SNX15: variants seen among roughly 807,000 people sequenced by gnomAD.
The protein encoded by SNX15 is sorting nexin 15.
A neutral mutation model predicts 35.2 loss-of-function variants in SNX15; 29 were observed. That is an observed-to-expected ratio of 0.82 (90% CI 0.61 to 1.12). SNX15 has a LOEUF of 1.12. Among genes scored for constraint, SNX15 ranks in the 50% most tolerant of loss-of-function variants. The pLI is 0.00. For missense variants in SNX15, 400 were observed against 451.5 expected (o/e 0.89, Z 1.03); for synonymous variants, 189 against 188.2 (o/e 1.00, Z -0.03).
At chr11:65,035,732 C>T in intron 6 of SNX15, 69 bp downstream of exon 6, 1 of 1,504,412 alleles carries the variant, frequency 6.6e-7, no homozygotes, top group Non-Finnish European at 9.0e-7. Context: ...AGGGCAGAGC[C>T]CCACTAGCCT....
chr11:65,030,272 T>A (rs1256531126), intron 1 of SNX15, among the ~76,000 whole-genome samples: 1 of 151,430 alleles, frequency 6.6e-6, no homozygotes, highest in Non-Finnish European at 1.5e-5. Context: ...GGAGAATTGC[T>A]TGAACCCGGG....
chr11:65,039,817 C>G lies in SNX15; in HGVS notation c.*25C>G, dbSNP rs769872659. Reference sequence around the variant, plus strand: ...ACAGGGAGTGGGCCATTCCCTGGGACTCTCGCTCCTGCACTGCCAGCCCCT... The same window carrying G: ...ACAGGGAGTGGGCCATTCCCTGGGAGTCTCGCTCCTGCACTGCCAGCCCCT... On this transcript the variant is annotated 3_prime_UTR_variant, in exon 8 of 8. Transcript: ENST00000377244. 1 of 1,509,998 alleles carries G rather than the reference C, an allele frequency of 6.6e-7. No individual in the cohort carries two copies. Among genetic ancestry groups the G allele is most frequent in the Non-Finnish European group, 9.1e-7 (1 of 1,093,438 alleles). 93.5% of individuals were successfully genotyped at this position (1,509,998 alleles called of 1,614,324 possible). A position where few individuals can be genotyped will look rare whatever the true frequency, so the allele number is the denominator to read the frequency against.
At chr11:65,038,980 T>G (rs971142388) in intron 7 of SNX15, 151 bp downstream of exon 7, 11 of 494,348 alleles carry the variant, frequency 2.2e-5, no homozygotes, top group South Asian at 5.7e-5. Flanking sequence ...TTTCTGTTTT[T>G]TTGTTGTTGT....
chr11:65,034,002 C>G (rs188005859), intron 3 of SNX15, among the ~76,000 whole-genome samples: 3 of 152,244 alleles, frequency 2.0e-5, no homozygotes, highest in East Asian at 1.9e-4. Flanking sequence ...GCCACCGCAC[C>G]TGGCCGAGAT....
rs1437502045 is a variant in SNX15 at position 65,032,523 on chromosome 11, C to T, written c.228C>T (p.Phe76=). Residue 76 remains phenylalanine, a synonymous_variant, in exon 3 of 8, where the codon TTC becomes TTT. Transcript: ENST00000377244. ...HRNLFRRLEE[F]PAFPRAQVFG... ...ACCTCTTCCGCCGCCTCGAGGAGTTCCCTGCTTTCCCCCGGGCCCAGGTGT... is the reference window on the plus strand; with the variant it reads ...ACCTCTTCCGCCGCCTCGAGGAGTTTCCTGCTTTCCCCCGGGCCCAGGTGT... The T allele has an allele frequency of 6.8e-6, 11 of 1,614,034 alleles. No homozygotes were observed. Among genetic ancestry groups the T allele is most frequent in the Non-Finnish European group, 9.3e-6 (11 of 1,180,042 alleles).
At chr11:65,029,406 T>C (rs1946414990) in intron 1 of SNX15, among the ~76,000 whole-genome samples, 1 of 151,596 alleles carries the variant, frequency 6.6e-6, no homozygotes, top group Admixed American at 6.6e-5. Context: ...TCCACCCGCC[T>C]TGGCCTCCCA....
At chr11:65,038,900 A>G (rs932186408) in intron 7 of SNX15, 71 bp downstream of exon 7, 19 of 1,329,562 alleles carry the variant, frequency 1.4e-5, no homozygotes, top group Middle Eastern at 3.9e-4. Context: ...GAGCAAAAAA[A>G]CAAGCAAATC....
Position 65,032,489 on chromosome 11 carries a change from C to T in SNX15, c.194C>T (p.Thr65Ile). The change falls in exon 3 of 8, where the codon ACC becomes ATC. Residue 65 changes from threonine to isoleucine, a missense_variant. By Grantham distance (89) the Thr-to-Ile change is moderately conservative. Transcript: ENST00000377244. ...FRKLHGDLAYTHRNLFRRLEE... is the reference protein window; with the variant it reads ...FRKLHGDLAYIHRNLFRRLEE... Reference sequence around the variant, plus strand: ...AAGCTGCATGGAGACCTGGCCTACACCCACCGCAACCTCTTCCGCCGCCTC... The same window carrying T: ...AAGCTGCATGGAGACCTGGCCTACATCCACCGCAACCTCTTCCGCCGCCTC... 1 of 1,614,192 alleles carries T rather than the reference C, an allele frequency of 6.2e-7. No homozygotes were observed. The highest frequency in any genetic ancestry group is 1.6e-4 in the Middle Eastern group (1 of 6,062).
chr11:65,035,759 GAT>G, intron 6 of SNX15, 96 bp downstream of exon 6: 5 of 1,319,138 alleles, frequency 3.8e-6, no homozygotes, highest in Non-Finnish European at 5.2e-6. Context: ...TGCCTGCGCA[GAT>G]CAGGGAGAGA....
At position 65,038,773 on chromosome 11, in the gene SNX15, C is replaced by T. The variant is rs751480885; in HGVS notation, c.866C>T (p.Ala289Val). The change falls in exon 7 of 8, where the codon GCT becomes GTT. Residue 289 changes from alanine (A) to valine (V), a missense_variant. Coordinates refer to ENST00000377244, the MANE Select transcript of SNX15 (RefSeq NM_013306.5). Reference sequence around the variant, plus strand: ...CGGGATGAGAAGGCAGGCGCTTACGCTGCTGCACTCCAGGGCTATCGAGAC... The same window carrying T: ...CGGGATGAGAAGGCAGGCGCTTACGTTGCTGCACTCCAGGGCTATCGAGAC... ...ALRDEKAGAYAAALQGYRDGV... is the reference protein window; with the variant it reads ...ALRDEKAGAYVAALQGYRDGV... The T allele has an allele frequency of 1.7e-5, 27 of 1,600,086 alleles. No homozygotes were observed. Among genetic ancestry groups the T allele is most frequent in the Non-Finnish European group, 2.3e-5 (27 of 1,173,930 alleles).
intron 7 of SNX15, among the ~76,000 whole-genome samples, chr11:65,039,415 G>C (rs1590744253): frequency 6.6e-6 from 1 of 151,934 alleles, no homozygotes; most frequent in East Asian, 1.9e-4. Context: ...GTAGAGATGG[G>C]CTTTCACCAT....
chr11:65,027,492 G>A lies in SNX15; in HGVS notation c.-46G>A, dbSNP rs528772583. ...AGGCTGGGCCGGAGGGGTGGGGACG[G>A]CGAGGAGGTGGAGGCCGGCGCTCCG... On this transcript the variant is annotated 5_prime_UTR_variant, in exon 1 of 8. Transcript: ENST00000377244. 2 of 1,504,758 alleles carry A rather than the reference G, an allele frequency of 1.3e-6. No homozygotes were observed. The highest frequency in any genetic ancestry group is 1.8e-6 in the Non-Finnish European group (2 of 1,081,962). The allele number at this position is 1,504,758 out of a possible 1,614,324, so 93.2% of individuals were successfully genotyped here.
At chr11:65,030,001 C>T (rs1429579383) in intron 1 of SNX15, among the ~76,000 whole-genome samples, 1 of 152,170 alleles carries the variant, frequency 6.6e-6, no homozygotes. Context: ...CATCCTCTTG[C>T]CTCAGCCTCC....
At position 65,039,819 on chromosome 11, in the gene SNX15, C is replaced by G. The variant is rs775827754; in HGVS notation, c.*27C>G. The G allele has an allele frequency of 2.0e-6, 3 of 1,502,038 alleles. No homozygotes were observed. In the South Asian group the frequency reaches 3.5e-5, roughly 17 times the overall value. The allele number at this position is 1,502,038 out of a possible 1,614,324, so 93.0% of individuals were successfully genotyped here. On this transcript the variant is annotated 3_prime_UTR_variant, in exon 8 of 8. Coordinates refer to ENST00000377244, the MANE Select transcript of SNX15 (RefSeq NM_013306.5). Reference sequence around the variant, plus strand: ...AGGGAGTGGGCCATTCCCTGGGACTCTCGCTCCTGCACTGCCAGCCCCTTC... The same window carrying G: ...AGGGAGTGGGCCATTCCCTGGGACTGTCGCTCCTGCACTGCCAGCCCCTTC...
At chr11:65,029,249 G>A (rs767864208) in intron 1 of SNX15, among the ~76,000 whole-genome samples, 4 of 150,784 alleles carry the variant, frequency 2.7e-5, no homozygotes, top group African/African-American at 7.3e-5. Context: ...AACTTCCGTC[G>A]CCCGGGTTCA....
At position 65,027,457 on chromosome 11, in the gene SNX15, C is replaced by A; in HGVS notation, c.-81C>A. ...GAAGAGCGCAGGCCTGGCGAGGCGG[C>A]GGCGGGCGGAGGCTGGGCCGGAGGG... On this transcript the variant is annotated 5_prime_UTR_variant, in exon 1 of 8. Coordinates refer to ENST00000377244, the MANE Select transcript of SNX15 (RefSeq NM_013306.5). 9.0e-7 allele frequency: 1 copy of A among 1,112,256 alleles called. No individual in the cohort carries two copies. Among genetic ancestry groups the A allele is most frequent in the African/African-American group, 1.5e-5 (1 of 65,040 alleles). The allele number at this position is 1,112,256 out of a possible 1,614,324, so 68.9% of individuals were successfully genotyped here.
rs1279176174 is a variant in SNX15, at chr11:65,027,521, C to T, written c.-17C>T. On this transcript the variant is annotated 5_prime_UTR_variant, in exon 1 of 8. Coordinates refer to ENST00000377244, the MANE Select transcript of SNX15 (RefSeq NM_013306.5). ...GGAGGTGGAGGCCGGCGCTCCGCTC[C>T]GCTCCAGCTCGGTTTCATGTCCCGC... 7 of 1,610,254 alleles carry T rather than the reference C, an allele frequency of 4.3e-6. No homozygotes were observed. The highest frequency in any genetic ancestry group is 4.0e-5 in the African/African-American group (3 of 74,854).
At chr11:65,028,549 C>T (rs1946400645) in intron 1 of SNX15, among the ~76,000 whole-genome samples, 2 of 152,022 alleles carry the variant, frequency 1.3e-5, no homozygotes, top group Non-Finnish European at 2.9e-5. Flanking sequence ...TAAGGCCGGG[C>T]TCAGTGGCTC....
In SNX15 at chr11:65,027,491, G is replaced by C. The variant is rs1590735669; in HGVS notation, c.-47G>C. 2.7e-6 allele frequency: 4 copies of C among 1,502,006 alleles called. No homozygotes were observed. The highest frequency in any genetic ancestry group is 4.5e-5 in the East Asian group (2 of 44,292). The allele number at this position is 1,502,006 out of a possible 1,614,324, so 93.0% of individuals were successfully genotyped here. A position where few individuals can be genotyped will look rare whatever the true frequency, so the allele number is the denominator to read the frequency against. On this transcript the variant is annotated 5_prime_UTR_variant, in exon 1 of 8. Coordinates refer to ENST00000377244, the MANE Select transcript of SNX15 (RefSeq NM_013306.5). ...GAGGCTGGGCCGGAGGGGTGGGGAC[G>C]GCGAGGAGGTGGAGGCCGGCGCTCC...
Sources: gnomAD v4.1 joint callset for allele counts (sites outside exome capture counted in the v4.1 genomes callset) on GRCh38, gnomAD v4.1.1 for gene constraint, MANE v1.5 for transcripts, NCBI Gene and HGNC (gene_info 2026-07-23, HGNC 2026-07-21) for gene names.